The following KCNJ6 variants were observed in gnomAD, a reference collection of about 807,000 sequenced individuals.
KCNJ6 encodes the protein potassium inwardly rectifying channel subfamily J member 6.
In KCNJ6, 9 loss-of-function variants were observed where a neutral mutation model predicts 34.2. That is an observed-to-expected ratio of 0.26 (90% CI 0.16 to 0.46). The LOEUF (loss-of-function observed/expected upper bound fraction) is 0.46. KCNJ6 is among the 20% of genes least tolerant of loss of function. KCNJ6 has a pLI of 1.00. For synonymous variants in KCNJ6, 196 were observed against 207.1 expected, an observed-to-expected ratio of 0.95 and a Z score of 0.46; for missense variants, 236 against 531.3, an observed-to-expected ratio of 0.44 and a Z score of 5.46.
intron 1 of KCNJ6, among the ~76,000 whole-genome samples, chr21:37,870,220 C>T (rs1463906076): frequency 6.8e-6 from 1 of 147,192 alleles, no homozygotes; most frequent in Non-Finnish European, 1.5e-5. Flanking sequence ...CCCACCCCCG[C>T]CCCCACCCCC....
chr21:37,677,048 G>A (rs1402397970), intron 3 of KCNJ6, among the ~76,000 whole-genome samples: 1 of 152,224 alleles, frequency 6.6e-6, no homozygotes, highest in Admixed American at 6.5e-5. Flanking sequence ...GCACTCAGGA[G>A]TCTAACTGTC....
At chr21:37,891,951 T>C (rs1473615160) in intron 1 of KCNJ6, among the ~76,000 whole-genome samples, 2 of 152,168 alleles carry the variant, frequency 1.3e-5, no homozygotes, top group African/African-American at 4.8e-5. Flanking sequence ...GAGACACGCA[T>C]CACATGACTC....
intron 3 of KCNJ6, among the ~76,000 whole-genome samples, chr21:37,701,896 G>C (rs1301397124): frequency 1.3e-5 from 2 of 152,120 alleles, no homozygotes; most frequent in East Asian, 3.9e-4. Context: ...CCACTGGAGG[G>C]TTTTAAGCAA....
At chr21:37,704,418 C>G (rs769782736) in intron 3 of KCNJ6, among the ~76,000 whole-genome samples, 1 of 152,116 alleles carries the variant, frequency 6.6e-6, no homozygotes, top group Non-Finnish European at 1.5e-5. Context: ...TGGGCCAATG[C>G]GAATGGAGCC....
At chr21:37,698,289 T>C (rs2054672913) in intron 3 of KCNJ6, among the ~76,000 whole-genome samples, 1 of 152,170 alleles carries the variant, frequency 6.6e-6, no homozygotes, top group Non-Finnish European at 1.5e-5. Flanking sequence ...CTTCTGCCTG[T>C]CCAGGAGAAA....
chr21:37,741,206 A>G (rs2054939676), intron 2 of KCNJ6, among the ~76,000 whole-genome samples: 1 of 152,184 alleles, frequency 6.6e-6, no homozygotes, highest in Non-Finnish European at 1.5e-5. Flanking sequence ...TTCAAGACAG[A>G]GATTGTTATC....
chr21:37,705,045 C>T (rs2054712555), intron 3 of KCNJ6, among the ~76,000 whole-genome samples: 1 of 152,112 alleles, frequency 6.6e-6, no homozygotes, highest in East Asian at 1.9e-4. Context: ...TCAATGCCAA[C>T]TGTTATGCAA....
intron 2 of KCNJ6, among the ~76,000 whole-genome samples, chr21:37,776,729 G>A (rs2055144395): frequency 6.6e-6 from 1 of 152,180 alleles, no homozygotes; most frequent in Non-Finnish European, 1.5e-5. Context: ...GCTTTTTGAT[G>A]TGCTGCTGGA....
At position 37,671,340 on chromosome 21, in the gene KCNJ6, A is replaced by G. The variant is rs1028106535; in HGVS notation, c.946+42871T>C. 3.3e-5 allele frequency among the ~76,000 whole-genome samples: 5 copies of G among 152,218 alleles called. No homozygotes were observed. In the South Asian group the frequency reaches 1.0e-3, roughly 31 times the overall value. ...AGGACTGAGTTCTGGGGGCTTCTGG[A>G]AAGCTGAACACATGGATGTTCCTGG... On this transcript the variant is annotated intron_variant, in intron 3 of 3. Coordinates refer to ENST00000609713, the MANE Select transcript of KCNJ6 (RefSeq NM_002240.5).
chr21:37,810,581 C>G (rs2055317807), intron 2 of KCNJ6, among the ~76,000 whole-genome samples: 1 of 152,160 alleles, frequency 6.6e-6, no homozygotes, highest in African/African-American at 2.4e-5. Context: ...TTAACAGGAC[C>G]ATTTAAATAT....
chr21:37,632,767 A>T (rs2054339695), intron 3 of KCNJ6, among the ~76,000 whole-genome samples: 1 of 152,148 alleles, frequency 6.6e-6, no homozygotes, highest in Non-Finnish European at 1.5e-5. Flanking sequence ...TTTCTAAATC[A>T]TATAAATTAC....
chr21:37,662,377 G>T (rs2054493547), intron 3 of KCNJ6, among the ~76,000 whole-genome samples: 2 of 152,110 alleles, frequency 1.3e-5, no homozygotes. Context: ...TCCTGTGTTG[G>T]TTTGCTAAGG....
chr21:37,753,471 C>T (rs1029201894), intron 2 of KCNJ6, among the ~76,000 whole-genome samples: 15 of 152,240 alleles, frequency 9.9e-5, no homozygotes, highest in Middle Eastern at 3.4e-3. Context: ...ACATCAAGAA[C>T]GTATCCCAGC....
chr21:37,884,422 GCCT>G (rs1454260067), intron 1 of KCNJ6, among the ~76,000 whole-genome samples: 1 of 151,952 alleles, frequency 6.6e-6, no homozygotes, highest in African/African-American at 2.4e-5. Flanking sequence ...TCAGCTTCCT[GCCT>G]CCTTTCTGTT....
intron 2 of KCNJ6, among the ~76,000 whole-genome samples, chr21:37,837,220 T>C (rs1443461947): frequency 6.6e-6 from 1 of 152,184 alleles, no homozygotes; most frequent in Admixed American, 6.5e-5. Context: ...ATCCTTATCA[T>C]GCCCGTCCTC....
chr21:37,731,127 GTT>G (rs3988668), intron 2 of KCNJ6, among the ~76,000 whole-genome samples: 23 of 151,742 alleles, frequency 1.5e-4, no homozygotes, highest in African/African-American at 5.6e-4. Context: ...GTGTGTGTGT[GTT>G]TGTGTGCCTG....
chr21:37,771,993 T>G (rs2055119946), intron 2 of KCNJ6, among the ~76,000 whole-genome samples: 2 of 152,236 alleles, frequency 1.3e-5, no homozygotes, highest in African/African-American at 4.8e-5. Context: ...TTCTGGGGAC[T>G]GCAACATGAA....
intron 1 of KCNJ6, among the ~76,000 whole-genome samples, chr21:37,851,742 AT>A (rs201274621): frequency 0.024 from 3,578 of 149,342 alleles, 58 homozygotes; most frequent in South Asian, 0.049. Context: ...ATGCAGATTG[AT>A]TTTTTTTTTC....
chr21:37,774,140 G>T (rs1225093704), intron 2 of KCNJ6, among the ~76,000 whole-genome samples: 1 of 152,152 alleles, frequency 6.6e-6, no homozygotes, highest in African/African-American at 2.4e-5. Context: ...ACAGGTAAGA[G>T]TGAGGGTTCT....
Sources: gnomAD v4.1 joint callset for allele counts (sites outside exome capture counted in the v4.1 genomes callset) on GRCh38, gnomAD v4.1.1 for gene constraint, MANE v1.5 for transcripts, NCBI Gene and HGNC (gene_info 2026-07-23, HGNC 2026-07-21) for gene names.